Variants in PLCG1 observed in about 807,000 individuals in gnomAD.
PLCG1 encodes the protein phospholipase C gamma 1.
PLCG1 carries 71 observed loss-of-function variants against 177.8 expected under a neutral mutation model. The ratio of observed to expected loss-of-function variants is 0.40; its 90% CI spans 0.33 to 0.49. The LOEUF is 0.49. Ranked by LOEUF, PLCG1 falls within the 20% of genes least tolerant of loss-of-function variation. The pLI is 0.72. For synonymous variants in PLCG1, 658 were observed against 647.9 expected (o/e 1.02, Z -0.24); for missense variants, 1,281 against 1,709.0 (o/e 0.75, Z 4.42).
chr20:41,171,946 A>AC (rs1257107534), intron 24 of PLCG1, among the ~76,000 whole-genome samples: 10 of 151,756 alleles, frequency 6.6e-5, no homozygotes, highest in South Asian at 6.3e-4. Flanking sequence ...TGTATCCCCC[A>AC]CCCCCCCTAA....
At position 41,173,729 on chromosome 20, in the gene PLCG1, C is replaced by T. The variant is rs751559277; in HGVS notation, c.3472C>T (p.Arg1158Cys). 4.3e-6 allele frequency: 7 copies of T among 1,614,140 alleles called. No individual in the cohort carries two copies. The highest frequency in any genetic ancestry group is 5.1e-6 in the Non-Finnish European group (6 of 1,180,008). The change falls in exon 29 of 32, where the codon CGC (arginine) becomes TGC (cysteine). Residue 1158 changes from arginine (R) to cysteine (C), a missense_variant. This residue lies in a region of PLCG1 where 723 missense variants were observed against 1,030.0 expected (regional missense o/e 0.70). Transcript: ENST00000685551. The surrounding 1 kb of genome is among the most constrained non-coding windows in gnomAD (Gnocchi z 6.2). Reference protein sequence around the residue: ...QISNPEFAFLRFVVYEEDMFS... With the variant: ...QISNPEFAFLCFVVYEEDMFS... ...CAGTAACCCTGAATTTGCCTTTCTG[C>T]GCTTCGTGGTGTATGAGGAAGACAT...
In PLCG1 at chr20:41,165,992, C is replaced by CA. The variant is rs929910637; in HGVS notation, c.1799+166_1799+167insA. Reference sequence around the variant, plus strand: ...TACACACACACACTCTCTGTCTCACCCCCCCCCCATACCCCTCCCTTTTCG... The same window carrying CA: ...TACACACACACACTCTCTGTCTCACCACCCCCCCCATACCCCTCCCTTTTCG... On this transcript the variant is annotated intron_variant, in intron 16 of 31. Transcript: ENST00000685551. This position sits in a 1 kb window ranked among gnomAD's most constrained non-coding sequence, Gnocchi z 6.6. 4 of 660,368 alleles carry CA rather than the reference C, an allele frequency of 6.1e-6. No homozygotes were observed. The highest frequency in any genetic ancestry group is 6.1e-5 in the Admixed American group (2 of 32,780). 40.9% of individuals were successfully genotyped at this position (660,368 alleles called of 1,614,324 possible).
Position 41,163,891 on chromosome 20 carries a change from A to G in PLCG1, c.1011-30A>G, listed in dbSNP as rs757140342. The G allele has an allele frequency of 1.9e-6, 3 of 1,612,244 alleles. No individual in the cohort carries two copies. Among genetic ancestry groups the G allele is most frequent in the Non-Finnish European group, 2.5e-6 (3 of 1,178,432 alleles). ...CTTCCCCAGGAGGGCCCATCTGACC[A>G]TACCTACCTGCCTCTCCTTGCCTAT... is the stretch of plus-strand genomic sequence containing the variant. On this transcript the variant is annotated intron_variant, in intron 10 of 31. Coordinates refer to ENST00000685551, the MANE Select transcript of PLCG1 (RefSeq NM_002660.3). This position sits in a 1 kb window ranked among gnomAD's most constrained non-coding sequence, Gnocchi z 5.2.
intron 24 of PLCG1, chr20:41,170,625 T>C (rs1326293539): frequency 4.9e-6 from 1 of 202,826 alleles, no homozygotes; most frequent in African/African-American, 2.3e-5. Flanking sequence ...GGAAGAGAAC[T>C]TGGGATGGAT....
At position 41,166,375 on chromosome 20, in the gene PLCG1, A is replaced by G; in HGVS notation, c.1981A>G (p.Asn661Asp). ...ACTTTCAGAGCCTGTCCCACAGACCAACGCCCACGAGAGCAAAGAGTGAGG... is the reference window on the plus strand; with the variant it reads ...ACTTTCAGAGCCTGTCCCACAGACCGACGCCCACGAGAGCAAAGAGTGAGG... The part of the protein sequence containing the change: ...MRLSEPVPQT[N>D]AHESKEWYHA... The change falls in exon 17 of 32, where the codon AAC becomes GAC. Residue 661 changes from asparagine (N) to aspartate (D), a missense_variant. Coordinates refer to ENST00000685551, the MANE Select transcript of PLCG1 (RefSeq NM_002660.3). The surrounding 1 kb of genome is among the most constrained non-coding windows in gnomAD (Gnocchi z 8.6). The G allele has an allele frequency of 6.2e-7, 1 of 1,614,106 alleles. No individual in the cohort carries two copies. Among genetic ancestry groups the G allele is most frequent in the Non-Finnish European group, 8.5e-7 (1 of 1,180,042 alleles).
chr20:41,173,349 C>G lies in PLCG1; in HGVS notation c.3280-71C>G. ...GCTGCCTCCACTCCACAGATGCTGA[C>G]TGAGCCTCCGCAGTGGGGAATTGGA... On this transcript the variant is annotated intron_variant, in intron 27 of 31. Coordinates refer to ENST00000685551, the MANE Select transcript of PLCG1 (RefSeq NM_002660.3). This position sits in a 1 kb window ranked among gnomAD's most constrained non-coding sequence, Gnocchi z 6.2. 1 of 1,449,622 alleles carries G rather than the reference C, an allele frequency of 6.9e-7. No individual in the cohort carries two copies. The highest frequency in any genetic ancestry group is 9.2e-7 in the Non-Finnish European group (1 of 1,087,390). 89.8% of individuals were successfully genotyped at this position (1,449,622 alleles called of 1,614,324 possible).
rs2034925384 is a variant in PLCG1 at position 41,144,220 on chromosome 20, T to TC, written c.217+6363dup. Reference sequence around the variant, plus strand: ...AGAAAACCAAGCCCTAAGGGTAAGGTCACATAGCAAGTTCATGGCAGATCC... The same window carrying TC: ...AGAAAACCAAGCCCTAAGGGTAAGGTCCACATAGCAAGTTCATGGCAGATCC... On this transcript the variant is annotated intron_variant, in intron 1 of 31. Transcript: ENST00000685551. This position sits in a 1 kb window ranked among gnomAD's most constrained non-coding sequence, Gnocchi z 4.1. 6.6e-6 allele frequency among the ~76,000 whole-genome samples: 1 copy of TC among 152,222 alleles called. No homozygotes were observed. Among genetic ancestry groups the TC allele is most frequent in the Non-Finnish European group, 1.5e-5 (1 of 68,034 alleles).
chr20:41,172,521 G>A lies in PLCG1; in HGVS notation c.3006G>A (p.Gln1002=), dbSNP rs1306432161. The change falls in exon 26 of 32, where the codon CAG becomes CAA. Residue 1002 remains glutamine, a synonymous_variant. Transcript: ENST00000685551. This position sits in a 1 kb window ranked among gnomAD's most constrained non-coding sequence, Gnocchi z 7.0. ...AGGCCAAAGGCAAGAAGTTCCTTCA[G>A]TACAATCGACTGCAGCTCTCCCGCA... ...VNKAKGKKFL[Q]YNRLQLSRIY... The A allele has an allele frequency of 2.8e-5, 45 of 1,614,066 alleles. No homozygotes were observed. Among genetic ancestry groups the A allele is most frequent in the Non-Finnish European group, 3.7e-5 (44 of 1,180,000 alleles).
intron 1 of PLCG1, among the ~76,000 whole-genome samples, chr20:41,142,408 A>T (rs1236584922): frequency 6.6e-6 from 1 of 152,194 alleles, no homozygotes; most frequent in Non-Finnish European, 1.5e-5. Flanking sequence ...CTGTTGTGGG[A>T]CTGACTTGCC....
Position 41,165,932 on chromosome 20 carries a change from A to C in PLCG1, c.1799+106A>C, listed in dbSNP as rs1199500244. ...ATTTGAGCCTTTGATCCAGGACAAT[A>C]ATTAGGCTTTACATGGAACATAATT... is the stretch of plus-strand genomic sequence containing the variant. On this transcript the variant is annotated intron_variant, in intron 16 of 31. Coordinates refer to ENST00000685551, the MANE Select transcript of PLCG1 (RefSeq NM_002660.3). This position sits in a 1 kb window ranked among gnomAD's most constrained non-coding sequence, Gnocchi z 6.6. 6.1e-6 allele frequency: 6 copies of C among 981,710 alleles called. No individual in the cohort carries two copies. The African/African-American group carries it at 9.8e-5, about 16-fold the overall frequency. The allele number at this position is 981,710 out of a possible 1,614,324, so 60.8% of individuals were successfully genotyped here.
At position 41,137,930 on chromosome 20, in the gene PLCG1, C is replaced by T. The variant is rs1000160546; in HGVS notation, c.217+72C>T. The stretch of plus-strand genomic sequence containing the variant: ...TGGGAGCCCGGCCCGACTGCTTGCA[C>T]CCCGGCCGGCCGCCCCAGCGACTTG... On this transcript the variant is annotated intron_variant, in intron 1 of 31. Transcript: ENST00000685551. This position sits in a 1 kb window ranked among gnomAD's most constrained non-coding sequence, Gnocchi z 7.3. 2.1e-5 allele frequency: 22 copies of T among 1,053,574 alleles called. No homozygotes were observed. The African/African-American group carries it at 3.3e-4, about 16-fold the overall frequency. The allele number at this position is 1,053,574 out of a possible 1,614,324, so 65.3% of individuals were successfully genotyped here.
At position 41,168,915 on chromosome 20, in the gene PLCG1, G is replaced by A. The variant is rs369751346; in HGVS notation, c.2483+45G>A. ...GGCCCAGAGTCCAAGGGCCCCAGTG[G>A]AGCTGGGGCCCCAAAGACATGCATT... is the stretch of plus-strand genomic sequence containing the variant. On this transcript the variant is annotated intron_variant, in intron 21 of 31. Coordinates refer to ENST00000685551, the MANE Select transcript of PLCG1 (RefSeq NM_002660.3). 1.2e-5 allele frequency: 17 copies of A among 1,366,656 alleles called. No individual in the cohort carries two copies. In the African/African-American group the frequency reaches 1.7e-4, roughly 14 times the overall value. The allele number at this position is 1,366,656 out of a possible 1,614,324, so 84.7% of individuals were successfully genotyped here.
In PLCG1 at chr20:41,165,098, C is replaced by T. The variant is rs1568747146; in HGVS notation, c.1383C>T (p.Ile461=). 1 of 1,611,742 alleles carries T rather than the reference C, an allele frequency of 6.2e-7. No individual in the cohort carries two copies. Among genetic ancestry groups the T allele is most frequent in the Non-Finnish European group, 8.5e-7 (1 of 1,178,476 alleles). Residue 461 remains isoleucine, a synonymous_variant, in exon 13 of 32, where the codon ATC becomes ATT. Coordinates refer to ENST00000685551, the MANE Select transcript of PLCG1 (RefSeq NM_002660.3). This position sits in a 1 kb window ranked among gnomAD's most constrained non-coding sequence, Gnocchi z 6.6. The part of the protein sequence containing the change: ...SPNQLKRKIL[I]KHKKLAEGSA... ...ACCAGCTTAAGAGGAAGATCCTCAT[C>T]AAGGTGGGGTGGCGGGCTTATTGCG...
intron 1 of PLCG1, among the ~76,000 whole-genome samples, chr20:41,152,030 ACTTTT>A (rs914625952): frequency 6.6e-6 from 1 of 152,074 alleles, no homozygotes; most frequent in African/African-American, 2.4e-5. Context: ...TTCTGCTGGA[ACTTTT>A]CTTTGTCCAT....
chr20:41,149,351 G>A (rs913101954), intron 1 of PLCG1, among the ~76,000 whole-genome samples: 9 of 152,180 alleles, frequency 5.9e-5, no homozygotes, highest in African/African-American at 2.2e-4. Context: ...GAATAATAAA[G>A]CCAGTGGGAC....
rs1477061591 is a variant in PLCG1 at position 41,165,073 on chromosome 20, A to G, written c.1358A>G (p.Asn453Ser). 3 of 1,613,664 alleles carry G rather than the reference A, an allele frequency of 1.9e-6. No homozygotes were observed. The highest frequency in any genetic ancestry group is 2.2e-5 in the East Asian group (1 of 44,882). Reference sequence around the variant, plus strand: ...TCTGCCGACGGGCTCCCCTCACCCAACCAGCTTAAGAGGAAGATCCTCATC... The same window carrying G: ...TCTGCCGACGGGCTCCCCTCACCCAGCCAGCTTAAGAGGAAGATCCTCATC... ...EISADGLPSP[N>S]QLKRKILIKH... The change falls in exon 13 of 32, where the codon AAC (asparagine) becomes AGC (serine). Residue 453 changes from asparagine (N) to serine (S), a missense_variant. This residue lies in a region of PLCG1 where 723 missense variants were observed against 1,030.0 expected (regional missense o/e 0.70). Coordinates refer to ENST00000685551, the MANE Select transcript of PLCG1 (RefSeq NM_002660.3). This position sits in a 1 kb window ranked among gnomAD's most constrained non-coding sequence, Gnocchi z 6.6.
Position 41,156,010 on chromosome 20 carries a change from G to T in PLCG1, c.218-3596G>T, listed in dbSNP as rs2035310586. Among the ~76,000 whole-genome samples, 1 of 152,172 alleles carries T rather than the reference G, an allele frequency of 6.6e-6. No homozygotes were observed. The highest frequency in any genetic ancestry group is 1.5e-5 in the Non-Finnish European group (1 of 68,024). On this transcript the variant is annotated intron_variant, in intron 1 of 31. Coordinates refer to ENST00000685551, the MANE Select transcript of PLCG1 (RefSeq NM_002660.3). This position sits in a 1 kb window ranked among gnomAD's most constrained non-coding sequence, Gnocchi z 5.0. ...CAGGAGAAGGCAGATCTCCATCAGG[G>T]CAGGGAGCAGAGCAAGGCCCCAGGA...
rs1479721294 is a variant in PLCG1 at position 41,174,829 on chromosome 20, G to C, written c.*320G>C. On this transcript the variant is annotated 3_prime_UTR_variant, in exon 32 of 32. Coordinates refer to ENST00000685551, the MANE Select transcript of PLCG1 (RefSeq NM_002660.3). This position sits in a 1 kb window ranked among gnomAD's most constrained non-coding sequence, Gnocchi z 5.8. Reference sequence around the variant, plus strand: ...CCATGGCCGAAGCCCCTTGGAGAGAGAGGCTGCCTCAGCCAGTGGCACAGG... The same window carrying C: ...CCATGGCCGAAGCCCCTTGGAGAGACAGGCTGCCTCAGCCAGTGGCACAGG... 2.8e-6 allele frequency: 1 copy of C among 353,490 alleles called. No individual in the cohort carries two copies. Among genetic ancestry groups the C allele is most frequent in the Non-Finnish European group, 5.3e-6 (1 of 189,342 alleles). 21.9% of individuals were successfully genotyped at this position (353,490 alleles called of 1,614,324 possible).
At chr20:41,154,331 A>G (rs1030128306) in intron 1 of PLCG1, among the ~76,000 whole-genome samples, 1 of 152,210 alleles carries the variant, frequency 6.6e-6, no homozygotes, top group African/African-American at 2.4e-5. Context: ...GGTCTAATTT[A>G]GGGTCTTGGA....
Sources: allele counts gnomAD v4.1 joint callset (sites outside exome capture counted in the v4.1 genomes callset), GRCh38; gene constraint gnomAD v4.1.1; regional missense constraint gnomAD v4.1.1; non-coding constraint Gnocchi (gnomAD v3.1); transcripts MANE v1.5; gene names NCBI Gene and HGNC (gene_info 2026-07-23, HGNC 2026-07-21).